Variants in GLIS3 observed in about 807,000 individuals in gnomAD.
GLIS3 encodes the protein zinc finger protein GLIS3.
A neutral mutation model predicts 78.6 loss-of-function variants in GLIS3; 53 were observed. The observed-to-expected ratio is 0.67, with a 90% CI of 0.54 to 0.85. The LOEUF is 0.85. Ranked by LOEUF, GLIS3 falls within the 40% of genes least tolerant of loss-of-function variation. The pLI, the probability that GLIS3 is intolerant of heterozygous loss-of-function variation, is 0.00. For missense variants in GLIS3, 1,703 were observed against 1,231.1 expected (o/e 1.38, Z -5.74); for synonymous variants, 684 against 509.9 (o/e 1.34, Z -4.60).
chr9:3,934,282 G>A (rs1209537378), intron 5 of GLIS3, among the ~76,000 whole-genome samples: 1 of 152,166 alleles, frequency 6.6e-6, no homozygotes, highest in African/African-American at 2.4e-5. Flanking sequence ...AAAAGCTTAT[G>A]CTTTGAGCAT....
the GLIS3 span, among the ~76,000 whole-genome samples, chr9:4,421,209 A>G: frequency 2.6e-5 from 4 of 152,202 alleles, no homozygotes; most frequent in African/African-American, 9.7e-5. Flanking sequence ...TCTCTGTCAT[A>G]TGACAGGACC....
At chr9:3,911,554 C>A (rs2130684488) in intron 6 of GLIS3, among the ~76,000 whole-genome samples, 1 of 152,306 alleles carries the variant, frequency 6.6e-6, no homozygotes, top group African/African-American at 2.4e-5. Context: ...CTATGAATTA[C>A]ACTACAACAT....
chr9:4,292,741 A>T (rs2130403020), intron 1 of GLIS3, among the ~76,000 whole-genome samples: 1 of 152,316 alleles, frequency 6.6e-6, no homozygotes, highest in East Asian at 1.9e-4. Flanking sequence ...GATCTTTTTC[A>T]TTGCAGGGGA....
intron 2 of GLIS3, among the ~76,000 whole-genome samples, chr9:4,327,597 G>A (rs1032015599): frequency 6.6e-6 from 1 of 152,184 alleles, no homozygotes; most frequent in African/African-American, 2.4e-5. Context: ...CAACAATTCT[G>A]AGCTCTCTGC....
chr9:3,900,778 A>C (rs898071766), intron 6 of GLIS3: 3 of 152,090 alleles, frequency 2.0e-5, no homozygotes, highest in Non-Finnish European at 4.4e-5. Flanking sequence ...CAGTAGTACT[A>C]TTATGAATTT....
intron 2 of GLIS3, among the ~76,000 whole-genome samples, chr9:4,160,561 T>C (rs1427471102): frequency 6.6e-6 from 1 of 152,256 alleles, no homozygotes; most frequent in Non-Finnish European, 1.5e-5. Context: ...CTGTCTTCAC[T>C]CTGAGCTTTT....
At chr9:3,867,230 T>C (rs1459638201) in intron 8 of GLIS3, among the ~76,000 whole-genome samples, 1 of 152,174 alleles carries the variant, frequency 6.6e-6, no homozygotes, top group East Asian at 1.9e-4. Flanking sequence ...CAATGTTGTT[T>C]TGTTGTTGTT....
chr9:3,960,624 T>C (rs940848658), intron 4 of GLIS3, among the ~76,000 whole-genome samples: 1 of 152,150 alleles, frequency 6.6e-6, no homozygotes, highest in Non-Finnish European at 1.5e-5. Flanking sequence ...AAGATTGTGT[T>C]TTGGTGGACC....
At chr9:3,998,521 A>G (rs1202953641) in intron 4 of GLIS3, among the ~76,000 whole-genome samples, 2 of 151,820 alleles carry the variant, frequency 1.3e-5, no homozygotes, top group Non-Finnish European at 2.9e-5. Context: ...ATAAATACTA[A>G]CACTAACAAT....
At chr9:4,186,857 G>C (rs1351806258) in intron 2 of GLIS3, among the ~76,000 whole-genome samples, 4 of 151,982 alleles carry the variant, frequency 2.6e-5, no homozygotes, top group African/African-American at 4.8e-5. Flanking sequence ...TTTTTTTCTT[G>C]TAAATTTGTT....
Position 3,941,033 on chromosome 9 carries a change from C to G in GLIS3, c.1711-3844G>C, listed in dbSNP as rs551848422. On this transcript the variant is annotated intron_variant, in intron 4 of 10. Transcript: ENST00000381971. Reference sequence around the variant, plus strand: ...ATTCTCTGACCCCAGAATCAGAATGCTGGGAGTGAGGCCCAGCCATCTGAC... The same window carrying G: ...ATTCTCTGACCCCAGAATCAGAATGGTGGGAGTGAGGCCCAGCCATCTGAC... Among the ~76,000 whole-genome samples, 486 of 152,278 alleles carry G rather than the reference C, an allele frequency of 3.2e-3. 2 individuals are homozygous for G. Among genetic ancestry groups the G allele is most frequent in the African/African-American group, 0.011 (443 of 41,560 alleles).
intron 1 of GLIS3, among the ~76,000 whole-genome samples, chr9:4,286,786 C>A (rs1828038914): frequency 6.6e-6 from 1 of 152,166 alleles, no homozygotes; most frequent in South Asian, 2.1e-4. Flanking sequence ...TCGGCAACTA[C>A]AACAATCTAC....
intron 9 of GLIS3, among the ~76,000 whole-genome samples, chr9:3,839,332 C>G (rs745427599): frequency 5.3e-5 from 8 of 152,112 alleles, no homozygotes; most frequent in Non-Finnish European, 1.0e-4. Context: ...AAATGGGCAG[C>G]AGAATGAAAA....
At chr9:4,147,908 G>A (rs1007056684) in intron 2 of GLIS3, among the ~76,000 whole-genome samples, 1 of 152,156 alleles carries the variant, frequency 6.6e-6, no homozygotes, top group South Asian at 2.1e-4. Context: ...AGACATCCAG[G>A]GAATTCACAA....
chr9:4,121,833 G>A (rs1383061984), intron 3 of GLIS3, among the ~76,000 whole-genome samples: 1 of 152,136 alleles, frequency 6.6e-6, no homozygotes. Context: ...AAGCTACGAT[G>A]GGCACCCAAA....
chr9:4,270,888 GGTGTGTGTGTGT>G (rs148679668), intron 2 of GLIS3, among the ~76,000 whole-genome samples: 20,577 of 146,872 alleles, frequency 0.14, 1,480 homozygotes, highest in Non-Finnish European at 0.16. Context: ...CAATCTGTGT[GGTGTGTGTGTGT>G]GTGTGTGTGT....
At chr9:4,283,778 C>G (rs2130315463) in intron 2 of GLIS3, among the ~76,000 whole-genome samples, 1 of 152,298 alleles carries the variant, frequency 6.6e-6, no homozygotes, top group South Asian at 2.1e-4. Context: ...AATTGTCAAC[C>G]AAAATCTGGA....
At chr9:3,972,965 C>T (rs1024129196) in intron 4 of GLIS3, among the ~76,000 whole-genome samples, 20 of 152,122 alleles carry the variant, frequency 1.3e-4, no homozygotes, top group African/African-American at 3.4e-4. Flanking sequence ...GCAAATTCCT[C>T]CACATTTCTG....
chr9:4,338,693 A>G (rs916559013), intron 2 of GLIS3, among the ~76,000 whole-genome samples: 7 of 152,160 alleles, frequency 4.6e-5, no homozygotes, highest in African/African-American at 1.7e-4. Flanking sequence ...AAATAGTGTA[A>G]GTACTGGAGA....
Sources: gnomAD v4.1 joint callset for allele counts (sites outside exome capture counted in the v4.1 genomes callset) on GRCh38, gnomAD v4.1.1 for gene constraint, MANE v1.5 for transcripts, NCBI Gene and HGNC (gene_info 2026-07-23, HGNC 2026-07-21) for gene names.